UGT2A2: variants seen among roughly 807,000 people sequenced by gnomAD.
UGT2A2 encodes the protein UDP glucuronosyltransferase family 2 member A2.
In UGT2A2, 60 loss-of-function variants were observed where a neutral mutation model predicts 50.7. That is an observed-to-expected ratio of 1.18 (90% CI 0.96 to 1.47). The LOEUF is 1.47. UGT2A2 is among the 40% of genes most tolerant of loss of function. UGT2A2 has a pLI of 0.00. For missense variants in UGT2A2, 762 were observed against 634.0 expected (o/e 1.20, Z -2.17); for synonymous variants, 242 against 214.6 (o/e 1.13, Z -1.11).
intron 1 of UGT2A2, among the ~76,000 whole-genome samples, chr4:69,602,935 G>T (rs956572401): frequency 7.4e-6 from 1 of 135,274 alleles, no homozygotes. Context: ...GGGCGTGGTG[G>T]CAGGTGCCTG....
Position 69,595,235 on chromosome 4 carries a change from G to A in UGT2A2, c.1038C>T (p.Tyr346=). 1 of 1,613,588 alleles carries A rather than the reference G, an allele frequency of 6.2e-7. No homozygotes were observed. The highest frequency in any genetic ancestry group is 8.5e-7 in the Non-Finnish European group (1 of 1,179,804). Residue 346 remains tyrosine (Y), a synonymous_variant, in exon 4 of 6, where the codon TAC becomes TAT. Transcript: ENST00000604629. ...CTAATGTGGCTGGTTTCTTTCCTTT[G>A]TATCTCCATAAAACCTGTGGAAAAT... ...AQIPQKVLWR[Y]KGKKPATLGN...
chr4:69,596,285 G>A lies in UGT2A2; in HGVS notation c.988C>T (p.Leu330Phe). ...VKNLTEEKAN[L>F]IASALAQIPQ... ...ATCTGGGCAAGGGCTGAGGCAATAA[G>A]ATTGGCCTTTTCTTCTGTAAGGTTT... Residue 330 changes from leucine (L) to phenylalanine (F), a missense_variant, in exon 3 of 6, where the codon CTT (leucine) becomes TTT (phenylalanine). Physicochemically the swap from Leu to Phe is conservative, Grantham distance 22. Coordinates refer to ENST00000604629, the MANE Select transcript of UGT2A2 (RefSeq NM_001105677.2). 1 of 1,607,768 alleles carries A rather than the reference G, an allele frequency of 6.2e-7. No homozygotes were observed. Among genetic ancestry groups the A allele is most frequent in the Non-Finnish European group, 8.5e-7 (1 of 1,176,204 alleles).
At chr4:69,621,243 T>C (rs1209821189) in intron 1 of UGT2A2, among the ~76,000 whole-genome samples, 4 of 151,970 alleles carry the variant, frequency 2.6e-5, no homozygotes, top group Admixed American at 1.3e-4. Context: ...ATTTGCAAAG[T>C]ATGCATCTGA....
At chr4:69,621,754 AT>A (rs1386055064) in intron 1 of UGT2A2, among the ~76,000 whole-genome samples, 8 of 151,996 alleles carry the variant, frequency 5.3e-5, no homozygotes, top group Admixed American at 4.6e-4. Context: ...GTCAACCTAA[AT>A]GCCTATCAAC....
intron 1 of UGT2A2, among the ~76,000 whole-genome samples, chr4:69,634,209 C>T (rs1339967122): frequency 2.0e-5 from 3 of 152,078 alleles, no homozygotes; most frequent in Non-Finnish European, 2.9e-5. Context: ...CGCGCCACTG[C>T]ACTCCAGCCT....
chr4:69,610,132 T>C (rs1467130453), intron 1 of UGT2A2, among the ~76,000 whole-genome samples: 2 of 152,148 alleles, frequency 1.3e-5, no homozygotes, highest in African/African-American at 2.4e-5. Flanking sequence ...AAAGTTGATA[T>C]AGTTTCTAAA....
intron 1 of UGT2A2, among the ~76,000 whole-genome samples, chr4:69,609,643 T>A (rs569291452): frequency 1.8e-4 from 27 of 152,092 alleles, no homozygotes; most frequent in African/African-American, 6.3e-4. Flanking sequence ...GTCTCTGAGA[T>A]GAGATTATTT....
chr4:69,626,496 A>G (rs1324691625), intron 1 of UGT2A2, among the ~76,000 whole-genome samples: 2 of 151,676 alleles, frequency 1.3e-5, no homozygotes, highest in Admixed American at 1.3e-4. Flanking sequence ...CAGTATTCCA[A>G]AAAACAAAAC....
At chr4:69,631,242 C>T (rs1318788971) in intron 1 of UGT2A2, among the ~76,000 whole-genome samples, 1 of 151,934 alleles carries the variant, frequency 6.6e-6, no homozygotes, top group Non-Finnish European at 1.5e-5. Flanking sequence ...GTTAAGTGGG[C>T]TTTGGAGGTA....
intron 1 of UGT2A2, among the ~76,000 whole-genome samples, chr4:69,622,897 A>G (rs1720831554): frequency 6.6e-6 from 1 of 151,856 alleles, no homozygotes. Flanking sequence ...AGCCTCATTT[A>G]TAATTCTGCT....
intron 1 of UGT2A2, among the ~76,000 whole-genome samples, chr4:69,618,237 GTA>G (rs1491007011): frequency 4.0e-5 from 6 of 150,454 alleles, no homozygotes; most frequent in African/African-American, 9.8e-5. Context: ...GTGTGTGTGT[GTA>G]TGTGTGTGTT....
rs1721658092 is a variant in UGT2A2, at chr4:69,635,828, C to CGAAAAAAAAA, written c.742+3070_742+3071insTTTTTTTTTC. The CGAAAAAAAAA allele has an allele frequency of 4.1e-5, 2 of 49,134 alleles. 1 individual carries two copies. Among genetic ancestry groups the CGAAAAAAAAA allele is most frequent in the African/African-American group, 1.3e-4 (2 of 15,138 alleles). The allele number at this position is 49,134 out of a possible 1,614,324, so 3.0% of individuals were successfully genotyped here. ...GCAACAGAGTAAGAGTCCACCTCAC[C>CGAAAAAAAAA]AAAAAAAAAAAAAAAAAAAAAAGAG... On this transcript the variant is annotated intron_variant, in intron 1 of 5. Transcript: ENST00000604629.
chr4:69,620,052 G>A (rs568893838), intron 1 of UGT2A2, among the ~76,000 whole-genome samples: 2 of 152,084 alleles, frequency 1.3e-5, no homozygotes, highest in African/African-American at 4.8e-5. Context: ...AAAGCTGTAA[G>A]CATTTTCCTT....
chr4:69,608,588 ATAGG>A (rs932248318), intron 1 of UGT2A2, among the ~76,000 whole-genome samples: 4 of 152,040 alleles, frequency 2.6e-5, no homozygotes, highest in African/African-American at 9.7e-5. Context: ...AAAAAAGAAA[ATAGG>A]TAGGCTGAGA....
At chr4:69,617,239 ACTTT>A (rs1246067826) in intron 1 of UGT2A2, among the ~76,000 whole-genome samples, 3 of 151,928 alleles carry the variant, frequency 2.0e-5, no homozygotes, top group African/African-American at 7.2e-5. Context: ...CTCACTTGAG[ACTTT>A]CTTTTTCTTC....
chr4:69,608,565 A>G (rs1193439348), intron 1 of UGT2A2, among the ~76,000 whole-genome samples: 1 of 152,140 alleles, frequency 6.6e-6, no homozygotes, highest in Non-Finnish European at 1.5e-5. Flanking sequence ...AAAGTATAAT[A>G]AAAAGAAAAA....
At chr4:69,637,702 A>G (rs1466632249) in intron 1 of UGT2A2, among the ~76,000 whole-genome samples, 1 of 152,166 alleles carries the variant, frequency 6.6e-6, no homozygotes, top group East Asian at 1.9e-4. Flanking sequence ...AAATTTATAT[A>G]TTTATTTTAT....
intron 1 of UGT2A2, among the ~76,000 whole-genome samples, chr4:69,607,610 A>C (rs7693686): frequency 0.14 from 21,091 of 151,998 alleles, 1,587 homozygotes; most frequent in Non-Finnish European, 0.18. Flanking sequence ...AGGAAAAGAA[A>C]CTACCATCAG....
At chr4:69,591,987 C>T (rs1423175656) in intron 5 of UGT2A2, among the ~76,000 whole-genome samples, 1 of 152,054 alleles carries the variant, frequency 6.6e-6, no homozygotes, top group Non-Finnish European at 1.5e-5. Flanking sequence ...TAATAAAAGT[C>T]AATTAATTGG....
Sources: allele counts gnomAD v4.1 joint callset (sites outside exome capture counted in the v4.1 genomes callset), GRCh38; gene constraint gnomAD v4.1.1; transcripts MANE v1.5; gene names NCBI Gene and HGNC (gene_info 2026-07-23, HGNC 2026-07-21).